The following ABLIM1 variants were observed in gnomAD, a reference collection of about 807,000 sequenced individuals.
ABLIM1 encodes actin-binding LIM protein 1.
In ABLIM1, 40 loss-of-function variants were observed where a neutral mutation model predicts 107.0. The ratio of observed to expected loss-of-function variants is 0.37; its 90% CI spans 0.29 to 0.49. The LOEUF (loss-of-function observed/expected upper bound fraction) is 0.49. ABLIM1 is among the 20% of genes least tolerant of loss of function. The pLI, the probability that ABLIM1 is intolerant of heterozygous loss-of-function variation, is 0.97. For synonymous variants in ABLIM1, 357 were observed against 357.3 expected (o/e 1.00, Z 0.01); for missense variants, 857 against 1,008.5 (o/e 0.85, Z 2.04).
At chr10:114,746,737 ATAACAGCTATTC>A (rs1194410744) in intron 1 of ABLIM1, among the ~76,000 whole-genome samples, 3 of 152,304 alleles carry the variant, frequency 2.0e-5, no homozygotes, top group African/African-American at 4.8e-5. Flanking sequence ...TGTCTTTTTG[ATAACAGCTATTC>A]TAACAGGTGT....
At chr10:114,683,171 T>A (rs2080818180) in intron 1 of ABLIM1, among the ~76,000 whole-genome samples, 1 of 152,224 alleles carries the variant, frequency 6.6e-6, no homozygotes. Flanking sequence ...AAACCTGAGG[T>A]GACGTTATCC....
rs1343862747 is a variant in ABLIM1 at position 114,473,060 on chromosome 10, T to A, written c.1192A>T (p.Ile398Phe). The change falls in exon 10 of 23, where the codon ATT (isoleucine) becomes TTT (phenylalanine). Residue 398 changes from isoleucine (I) to phenylalanine (F), a missense_variant. Transcript: ENST00000533213. ...TAGGTAATAAGATCTGGACGTTCAA[T>A]GTCATAAATTGCCTTGACCTTCGGA... ...AIPKVKAIYD[I>F]ERPDLITYEP... is the part of the protein sequence containing the mutation. The A allele has an allele frequency of 6.2e-7, 1 of 1,613,610 alleles. No homozygotes were observed. The highest frequency in any genetic ancestry group is 8.5e-7 in the Non-Finnish European group (1 of 1,179,792).
chr10:114,718,561 C>G (rs959984005), intron 1 of ABLIM1, among the ~76,000 whole-genome samples: 4 of 152,214 alleles, frequency 2.6e-5, no homozygotes, highest in Admixed American at 1.3e-4. Flanking sequence ...AGCAATGCAG[C>G]AGCTGTGTCT....
At chr10:114,646,625 G>T (rs2079022552) in intron 1 of ABLIM1, among the ~76,000 whole-genome samples, 1 of 152,208 alleles carries the variant, frequency 6.6e-6, no homozygotes, top group Non-Finnish European at 1.5e-5. Flanking sequence ...AGGAAGGAAT[G>T]CTTGCCGCTC....
intron 1 of ABLIM1, among the ~76,000 whole-genome samples, chr10:114,704,304 A>C (rs7921424): frequency 0.3 from 5,914 of 19,596 alleles, 333 homozygotes; most frequent in Admixed American, 0.41. Context: ...CTCTCTCTCT[A>C]TATATATATA....
chr10:114,720,737 A>G (rs2081824778), intron 1 of ABLIM1, among the ~76,000 whole-genome samples: 2 of 152,276 alleles, frequency 1.3e-5, no homozygotes, highest in South Asian at 2.1e-4. Context: ...AAATAAAAAA[A>G]AAAAGCAAGC....
At chr10:114,478,512 T>C (rs1379212446) in intron 8 of ABLIM1, among the ~76,000 whole-genome samples, 2 of 152,204 alleles carry the variant, frequency 1.3e-5, no homozygotes, top group Non-Finnish European at 2.9e-5. Context: ...CTCATGATAG[T>C]GAGAGAAGTC....
chr10:114,673,256 T>TAAAAAAAAAAAAACAAAAAAAA (rs2080332163), intron 1 of ABLIM1, among the ~76,000 whole-genome samples: 1 of 130,164 alleles, frequency 7.7e-6, no homozygotes, highest in Non-Finnish European at 1.6e-5. Context: ...AGACTCCAGC[T>TAAAAAAAAAAAAACAAAAAAAA]AAAAAAAAAA....
chr10:114,648,529 T>C (rs890665345), intron 1 of ABLIM1, among the ~76,000 whole-genome samples: 1 of 152,252 alleles, frequency 6.6e-6, no homozygotes, highest in South Asian at 2.1e-4. Context: ...CTGAGGAATG[T>C]GAGTCATCAG....
the ABLIM1 span, among the ~76,000 whole-genome samples, chr10:114,794,593 T>G: frequency 6.6e-6 from 1 of 152,198 alleles, no homozygotes; most frequent in African/African-American, 2.4e-5. Flanking sequence ...ATATTTGTGT[T>G]TTTTGGGGTT....
At chr10:114,582,550 C>A (rs924799849) in intron 2 of ABLIM1, among the ~76,000 whole-genome samples, 1 of 152,098 alleles carries the variant, frequency 6.6e-6, no homozygotes, top group East Asian at 1.9e-4. Flanking sequence ...CCTGAATAAC[C>A]AAAGCAATCT....
intron 2 of ABLIM1, among the ~76,000 whole-genome samples, chr10:114,590,811 C>A (rs930067931): frequency 2.0e-5 from 3 of 152,124 alleles, no homozygotes; most frequent in African/African-American, 7.2e-5. Flanking sequence ...ACAGAGAAAG[C>A]CTACTCCAAA....
chr10:114,602,962 G>C (rs981081405), intron 1 of ABLIM1, among the ~76,000 whole-genome samples: 1 of 152,164 alleles, frequency 6.6e-6, no homozygotes, highest in Admixed American at 6.5e-5. Context: ...AGTTTCTCCA[G>C]CTAGAGAATG....
chr10:114,602,254 TC>T (rs1422656736), intron 1 of ABLIM1, among the ~76,000 whole-genome samples: 3 of 152,196 alleles, frequency 2.0e-5, no homozygotes, highest in African/African-American at 7.2e-5. Flanking sequence ...GAATACACAA[TC>T]TTGCTTAGTT....
chr10:114,627,072 C>T (rs150244829), intron 1 of ABLIM1, among the ~76,000 whole-genome samples: 2 of 152,126 alleles, frequency 1.3e-5, no homozygotes, highest in Admixed American at 6.5e-5. Flanking sequence ...TGGTTTAAGC[C>T]GCTCAGTCTG....
intron 6 of ABLIM1, among the ~76,000 whole-genome samples, chr10:114,515,027 C>G (rs1272141603): frequency 6.6e-6 from 1 of 152,170 alleles, no homozygotes; most frequent in Non-Finnish European, 1.5e-5. Context: ...CTCCCAGAAC[C>G]TGAAAGCAGT....
At chr10:114,522,921 C>T (rs1384044564) in intron 6 of ABLIM1, among the ~76,000 whole-genome samples, 2 of 152,116 alleles carry the variant, frequency 1.3e-5, no homozygotes, top group Non-Finnish European at 2.9e-5. Flanking sequence ...GAGGCTGAAG[C>T]GGGTGGATCA....
chr10:114,587,611 T>G (rs2074337291), intron 2 of ABLIM1, among the ~76,000 whole-genome samples: 1 of 152,232 alleles, frequency 6.6e-6, no homozygotes, highest in Non-Finnish European at 1.5e-5. Flanking sequence ...CATTTATTTC[T>G]AGTAGAAAGT....
upstream of ABLIM1, chr10:114,685,023 G>A (rs1483968789): frequency 6.6e-6 from 1 of 152,348 alleles, no homozygotes; most frequent in South Asian, 2.1e-4. Flanking sequence ...CGTGGACTTT[G>A]AGCCTTTTTA....
Sources: allele counts gnomAD v4.1 joint callset (sites outside exome capture counted in the v4.1 genomes callset), GRCh38; gene constraint gnomAD v4.1.1; transcripts MANE v1.5; gene names NCBI Gene and HGNC (gene_info 2026-07-23, HGNC 2026-07-21).